Variants in DACT3 observed in about 807,000 individuals in gnomAD.
The protein encoded by DACT3 is dishevelled binding antagonist of beta catenin 3.
DACT3 carries 5 observed loss-of-function variants against 19.6 expected under a neutral mutation model. That is an observed-to-expected ratio of 0.26 (90% CI 0.13 to 0.54). DACT3 has a LOEUF of 0.54. Among genes scored for constraint, DACT3 ranks in the 20% least tolerant of loss-of-function variants. The pLI is 0.95. For synonymous variants in DACT3, 454 were observed against 428.1 expected (o/e 1.06, Z -0.75); for missense variants, 908 against 927.4 (o/e 0.98, Z 0.27).
rs2052937016 is a variant in DACT3 at position 46,648,201 on chromosome 19, T to TA, written c.*280dup. 1.6e-5 allele frequency: 8 copies of TA among 502,974 alleles called. No homozygotes were observed. The highest frequency in any genetic ancestry group is 2.5e-5 in the Non-Finnish European group (7 of 280,198). The allele number at this position is 502,974 out of a possible 1,614,324, so 31.2% of individuals were successfully genotyped here. A position where few individuals can be genotyped will look rare whatever the true frequency, so the allele number is the denominator to read the frequency against. ...TACCCCTTTTGCATACATGGACACT[T>TA]ACTGTACAGATGAGGAAAGTGACGC... On this transcript the variant is annotated 3_prime_UTR_variant, in exon 4 of 4. Transcript: ENST00000391916. The surrounding 1 kb of genome is among the most constrained non-coding windows in gnomAD (Gnocchi z 5.1).
In DACT3 at chr19:46,648,316, GGT is replaced by G; in HGVS notation, c.*164_*165del. 1 of 1,134,866 alleles carries G rather than the reference GGT, an allele frequency of 8.8e-7. No homozygotes were observed. The highest frequency in any genetic ancestry group is 1.5e-5 in the South Asian group (1 of 64,898). The allele number at this position is 1,134,866 out of a possible 1,614,324, so 70.3% of individuals were successfully genotyped here. ...GCTCCTCCCCATTCCTCTCGGTGGT[GGT>G]GGGGGAGCCTTTTCAACCAAGACTG... On this transcript the variant is annotated 3_prime_UTR_variant, in exon 4 of 4. Coordinates refer to ENST00000391916, the MANE Select transcript of DACT3 (RefSeq NM_145056.3). The surrounding 1 kb of genome is among the most constrained non-coding windows in gnomAD (Gnocchi z 5.1).
At position 46,660,557 on chromosome 19, in the gene DACT3, G is replaced by C; in HGVS notation, c.249+259C>G. ...TTGGCGCCCACAAGGATTTTCTTTGGGGAAGGGGTGTAAGAGACAGGGCCT... is the reference window on the plus strand; with the variant it reads ...TTGGCGCCCACAAGGATTTTCTTTGCGGAAGGGGTGTAAGAGACAGGGCCT... On this transcript the variant is annotated intron_variant, in intron 1 of 3. Transcript: ENST00000391916. This position sits in a 1 kb window ranked among gnomAD's most constrained non-coding sequence, Gnocchi z 4.9. 5.8e-6 allele frequency: 3 copies of C among 521,584 alleles called. No individual in the cohort carries two copies. The highest frequency in any genetic ancestry group is 9.3e-6 in the Non-Finnish European group (3 of 322,420). The allele number at this position is 521,584 out of a possible 1,614,324, so 32.3% of individuals were successfully genotyped here.
Position 46,649,737 on chromosome 19 carries a change from G to C in DACT3, c.635C>G (p.Ala212Gly), listed in dbSNP as rs924479727. The change falls in exon 4 of 4, where the codon GCC becomes GGC. Residue 212 changes from alanine (A) to glycine (G), a missense_variant. Physicochemically the swap from Ala to Gly is moderately conservative, Grantham distance 60. Transcript: ENST00000391916. The stretch of plus-strand genomic sequence containing the variant: ...GGGGCTGGGCGTCAGAAAGGGCCCG[G>C]CGCGGGCCCGCCGCTCCGCCGAGGA... ...ACSSAERRAR[A>G]GPFLTPSPLH... 5 of 1,266,306 alleles carry C rather than the reference G, an allele frequency of 3.9e-6. No individual in the cohort carries two copies. Among genetic ancestry groups the C allele is most frequent in the East Asian group, 3.3e-5 (1 of 30,548 alleles). The allele number at this position is 1,266,306 out of a possible 1,614,324, so 78.4% of individuals were successfully genotyped here.
intron 1 of DACT3, chr19:46,659,167 CT>C (rs2053054541): frequency 2.1e-5 from 21 of 985,088 alleles, no homozygotes; most frequent in Non-Finnish European, 2.4e-5. Context: ...TAGCGCTTCT[CT>C]GCTCCTCCTC....
intron 3 of DACT3, 101 bp from the exon 4 acceptor site, chr19:46,649,973 C>A: frequency 2.4e-6 from 3 of 1,245,518 alleles, no homozygotes; most frequent in Non-Finnish European, 3.0e-6. Flanking sequence ...GGGTTGCCTC[C>A]CTCCCTTCCA....
In DACT3 at chr19:46,649,013, C is replaced by T. The variant is rs1255993759; in HGVS notation, c.1359G>A (p.Arg453=). 1 of 1,269,128 alleles carries T rather than the reference C, an allele frequency of 7.9e-7. No homozygotes were observed. The highest frequency in any genetic ancestry group is 9.9e-7 in the Non-Finnish European group (1 of 1,009,144). 78.6% of individuals were successfully genotyped at this position (1,269,128 alleles called of 1,614,324 possible). The stretch of plus-strand genomic sequence containing the variant: ...CTGGGCCGCGGCGTGGCCGTGGAGG[C>T]CGAGGCTCTTCCCGCTCCGCCGTGG... The part of the protein sequence containing the change: ...KYPTAEREEP[R]PPRPRRGPAP... Residue 453 remains arginine, a synonymous_variant, in exon 4 of 4, where the codon CGG becomes CGA. Transcript: ENST00000391916.
intron 1 of DACT3, among the ~76,000 whole-genome samples, chr19:46,658,762 T>C (rs1223841927): frequency 6.6e-6 from 1 of 152,174 alleles, no homozygotes; most frequent in Non-Finnish European, 1.5e-5. Context: ...AAACTTCCCT[T>C]ACCTTGTTTC....
chr19:46,648,409 T>C lies in DACT3; in HGVS notation c.*73A>G, dbSNP rs371705252. Reference sequence around the variant, plus strand: ...AAAACGATGGTCTTTGGAAGGTAGATGTGGAAGGGTCAGTGGTTGGGAGTG... The same window carrying C: ...AAAACGATGGTCTTTGGAAGGTAGACGTGGAAGGGTCAGTGGTTGGGAGTG... On this transcript the variant is annotated 3_prime_UTR_variant, in exon 4 of 4. Coordinates refer to ENST00000391916, the MANE Select transcript of DACT3 (RefSeq NM_145056.3). The surrounding 1 kb of genome is among the most constrained non-coding windows in gnomAD (Gnocchi z 5.1). 1.9e-6 allele frequency: 3 copies of C among 1,596,764 alleles called. No homozygotes were observed. The African/African-American group carries it at 4.0e-5, about 22-fold the overall frequency.
chr19:46,653,037 C>T lies in DACT3; in HGVS notation c.288G>A (p.Gln96=). 2 of 1,551,534 alleles carry T rather than the reference C, an allele frequency of 1.3e-6. No individual in the cohort carries two copies. Residue 96 remains glutamine, a synonymous_variant, in exon 2 of 4, where the codon CAG becomes CAA. Transcript: ENST00000391916. The part of the protein sequence containing the change: ...LPGLVWDLGQ[Q]LGDLSLESGG... ...CAGACTCCAGGCTCAGGTCTCCCAG[C>T]TGCTGTCCCAGGTCCCAGACGAGAC... is the stretch of plus-strand genomic sequence containing the variant.
intron 1 of DACT3, among the ~76,000 whole-genome samples, chr19:46,658,195 C>T (rs2053046394): frequency 6.6e-6 from 1 of 150,884 alleles, no homozygotes; most frequent in Non-Finnish European, 1.5e-5. Flanking sequence ...GAGTTGGAGA[C>T]CAGCCTGAAC....
chr19:46,648,981 G>T lies in DACT3; in HGVS notation c.1391C>A (p.Thr464Lys). 7.8e-7 allele frequency: 1 copy of T among 1,286,198 alleles called. No individual in the cohort carries two copies. Among genetic ancestry groups the T allele is most frequent in the Non-Finnish European group, 9.8e-7 (1 of 1,019,308 alleles). The allele number at this position is 1,286,198 out of a possible 1,614,324, so 79.7% of individuals were successfully genotyped here. ...GGACCCTGCGGCCTGGGCCGCCAGC[G>T]TGGGCGCTGGGCCGCGGCGTGGCCG... ...PPRPRRGPAPTLAAQAAGSCR... is the reference protein window; with the variant it reads ...PPRPRRGPAPKLAAQAAGSCR... The change falls in exon 4 of 4, where the codon ACG becomes AAG. Residue 464 changes from threonine (T) to lysine (K), a missense_variant. By Grantham distance (78) the Thr-to-Lys change is moderately conservative. This residue lies in a region of DACT3 where 656 missense variants were observed against 601.8 expected (regional missense o/e 1.09). Coordinates refer to ENST00000391916, the MANE Select transcript of DACT3 (RefSeq NM_145056.3). This position sits in a 1 kb window ranked among gnomAD's most constrained non-coding sequence, Gnocchi z 5.1.
intron 1 of DACT3, chr19:46,659,351 G>A (rs565149993): frequency 2.1e-6 from 2 of 946,742 alleles, no homozygotes; most frequent in South Asian, 4.9e-5. Context: ...CAGAGATGGG[G>A]AAGGTGAAGG....
chr19:46,655,813 A>G (rs754585924), intron 1 of DACT3, among the ~76,000 whole-genome samples: 13 of 151,316 alleles, frequency 8.6e-5, no homozygotes, highest in African/African-American at 1.2e-4. Context: ...GCTTATGCCT[A>G]TCATCCCAGC....
Position 46,648,651 on chromosome 19 carries a change from A to T in DACT3, c.1721T>A (p.Val574Glu), listed in dbSNP as rs1287665009. Residue 574 changes from valine (V) to glutamate (E), a missense_variant, in exon 4 of 4, where the codon GTG becomes GAG. Val to Glu is a moderately radical substitution (Grantham distance 121). This residue lies in a region of DACT3 where 656 missense variants were observed against 601.8 expected (regional missense o/e 1.09). Coordinates refer to ENST00000391916, the MANE Select transcript of DACT3 (RefSeq NM_145056.3). This position sits in a 1 kb window ranked among gnomAD's most constrained non-coding sequence, Gnocchi z 5.1. ...SSDSDGSGGLVWPQQLVAATA... is the reference protein window; with the variant it reads ...SSDSDGSGGLEWPQQLVAATA... ...GGCCGCCACCAGCTGCTGCGGCCACACGAGGCCACCGCTGCCGTCTGAGTC... is the reference window on the plus strand; with the variant it reads ...GGCCGCCACCAGCTGCTGCGGCCACTCGAGGCCACCGCTGCCGTCTGAGTC... 6.2e-7 allele frequency: 1 copy of T among 1,612,558 alleles called. No individual in the cohort carries two copies. The highest frequency in any genetic ancestry group is 8.5e-7 in the Non-Finnish European group (1 of 1,179,468).
chr19:46,655,072 T>G (rs935834318), intron 1 of DACT3: 4 of 985,202 alleles, frequency 4.1e-6, no homozygotes, highest in Non-Finnish European at 4.8e-6. Flanking sequence ...CCATGTCACG[T>G]CCGTCACAAA....
chr19:46,648,392 G>A lies in DACT3; in HGVS notation c.*90C>T. ...GGTCTTTGGAAGCAGAGAAAACGATGGTCTTTGGAAGGTAGATGTGGAAGG... is the reference window on the plus strand; with the variant it reads ...GGTCTTTGGAAGCAGAGAAAACGATAGTCTTTGGAAGGTAGATGTGGAAGG... On this transcript the variant is annotated 3_prime_UTR_variant, in exon 4 of 4. Coordinates refer to ENST00000391916, the MANE Select transcript of DACT3 (RefSeq NM_145056.3). This position sits in a 1 kb window ranked among gnomAD's most constrained non-coding sequence, Gnocchi z 5.1. 6.3e-7 allele frequency: 1 copy of A among 1,586,932 alleles called. No homozygotes were observed. The highest frequency in any genetic ancestry group is 1.8e-5 in the Admixed American group (1 of 56,342).
chr19:46,652,848 G>A (rs1360844489), intron 2 of DACT3, 36 bp from the exon 3 acceptor site: 3 of 1,543,460 alleles, frequency 1.9e-6, no homozygotes, highest in African/African-American at 2.8e-5. Context: ...ACTTCAGGGG[G>A]TTTGGGTGGG....
Position 46,649,539 on chromosome 19 carries a change from C to T in DACT3, c.833G>A (p.Gly278Asp). 5 of 1,046,664 alleles carry T rather than the reference C, an allele frequency of 4.8e-6. No individual in the cohort carries two copies. The highest frequency in any genetic ancestry group is 5.7e-6 in the Non-Finnish European group (5 of 872,386). 64.8% of individuals were successfully genotyped at this position (1,046,664 alleles called of 1,614,324 possible). ...GCGCACGCTGTTCTGGCGCCGCGGG[C>T]CGCCGTCCGCGCCCCCGGGACTGGT... is the stretch of plus-strand genomic sequence containing the variant. ...PRTSPGGADG[G>D]PRRQNSVRQR... Residue 278 changes from glycine (G) to aspartate (D), a missense_variant, in exon 4 of 4, where the codon GGC (glycine) becomes GAC (aspartate). Gly to Asp is a moderately conservative substitution (Grantham distance 94, BLOSUM62 -1). Coordinates refer to ENST00000391916, the MANE Select transcript of DACT3 (RefSeq NM_145056.3).
rs924089454 is a variant in DACT3 at position 46,648,200 on chromosome 19, T to C, written c.*282A>G. On this transcript the variant is annotated 3_prime_UTR_variant, in exon 4 of 4. Transcript: ENST00000391916. The surrounding 1 kb of genome is among the most constrained non-coding windows in gnomAD (Gnocchi z 5.1). ...TTACCCCTTTTGCATACATGGACAC[T>C]TACTGTACAGATGAGGAAAGTGACG... The C allele has an allele frequency of 2.6e-5, 13 of 502,104 alleles. No homozygotes were observed. The highest frequency in any genetic ancestry group is 4.6e-5 in the Non-Finnish European group (13 of 279,700). The allele number at this position is 502,104 out of a possible 1,614,324, so 31.1% of individuals were successfully genotyped here.
Sources: allele counts gnomAD v4.1 joint callset (sites outside exome capture counted in the v4.1 genomes callset), GRCh38; gene constraint gnomAD v4.1.1; regional missense constraint gnomAD v4.1.1; non-coding constraint Gnocchi (gnomAD v3.1); transcripts MANE v1.5; gene names NCBI Gene and HGNC (gene_info 2026-07-23, HGNC 2026-07-21).